BICDL1: variants seen among roughly 807,000 people sequenced by gnomAD.
The protein encoded by BICDL1 is BICD family-like cargo adapter 1.
BICDL1 carries 20 observed loss-of-function variants against 76.8 expected under a neutral mutation model. The ratio of observed to expected loss-of-function variants is 0.26; its 90% CI spans 0.18 to 0.38. The LOEUF (loss-of-function observed/expected upper bound fraction) is 0.38. Ranked by LOEUF, BICDL1 falls within the 10% of genes least tolerant of loss-of-function variation. BICDL1 has a pLI of 1.00. For missense variants in BICDL1, 700 were observed against 798.6 expected (o/e 0.88, Z 1.49); for synonymous variants, 383 against 337.1 (o/e 1.14, Z -1.49).
intron 2 of BICDL1, among the ~76,000 whole-genome samples, chr12:120,028,679 A>AAAT (rs906170067): frequency 7.2e-5 from 11 of 152,212 alleles, no homozygotes; most frequent in Middle Eastern, 3.4e-3. Context: ...TCAGACTCAA[A>AAAT]AATAATAATA....
At chr12:119,996,949 G>T (rs931818006) in intron 1 of BICDL1, among the ~76,000 whole-genome samples, 2 of 148,362 alleles carry the variant, frequency 1.3e-5, no homozygotes, top group South Asian at 2.1e-4. Flanking sequence ...GAAACAAAAA[G>T]ATTTTTTTTT....
intron 2 of BICDL1, among the ~76,000 whole-genome samples, chr12:120,011,960 A>G (rs1427373168): frequency 1.3e-5 from 2 of 152,240 alleles, no homozygotes; most frequent in East Asian, 3.8e-4. Context: ...AGATTGAACG[A>G]GATGATTCCT....
chr12:120,011,298 A>G (rs1202266607), intron 2 of BICDL1, among the ~76,000 whole-genome samples: 1 of 152,204 alleles, frequency 6.6e-6, no homozygotes, highest in African/African-American at 2.4e-5. Flanking sequence ...AACCTGGGAA[A>G]TGTAGACCAG....
chr12:120,010,223 G>A (rs1951926192), intron 2 of BICDL1, among the ~76,000 whole-genome samples: 1 of 152,194 alleles, frequency 6.6e-6, no homozygotes, highest in Admixed American at 6.5e-5. Context: ...AAAACTGGTT[G>A]CGCTTGTAAC....
intron 7 of BICDL1, 159 bp from the exon 8 acceptor site, chr12:120,080,728 C>G (rs1873902668): frequency 1.6e-6 from 1 of 627,162 alleles, no homozygotes. Flanking sequence ...TCAAGAGAGA[C>G]AGGCCCTCTC....
intron 2 of BICDL1, among the ~76,000 whole-genome samples, chr12:120,027,689 G>C (rs1403603519): frequency 6.6e-6 from 1 of 152,166 alleles, no homozygotes; most frequent in Non-Finnish European, 1.5e-5. Context: ...CACTCTGCAG[G>C]TGATGATGAA....
At chr12:120,066,429 T>C (rs1953222326) in intron 4 of BICDL1, among the ~76,000 whole-genome samples, 1 of 152,218 alleles carries the variant, frequency 6.6e-6, no homozygotes, top group Non-Finnish European at 1.5e-5. Flanking sequence ...TGAAAAGTCC[T>C]TATTTCAAAT....
intron 2 of BICDL1, chr12:120,000,195 C>T (rs1394515729): frequency 6.4e-6 from 1 of 156,930 alleles, no homozygotes; most frequent in Non-Finnish European, 1.4e-5. Flanking sequence ...AAAATAGTTG[C>T]AGGGAAATAC....
At chr12:120,011,277 A>G (rs1951947505) in intron 2 of BICDL1, among the ~76,000 whole-genome samples, 1 of 152,174 alleles carries the variant, frequency 6.6e-6, no homozygotes, top group Non-Finnish European at 1.5e-5. Context: ...GGCCATACTC[A>G]GTTACAAGAA....
At chr12:120,091,564 G>A (rs761492530) in intron 9 of BICDL1, 13 of 985,014 alleles carry the variant, frequency 1.3e-5, no homozygotes, top group Non-Finnish European at 1.6e-5. Flanking sequence ...GCTCTGAGGG[G>A]CAAGTGGAAA....
chr12:120,081,722 T>G (rs1433707998), intron 8 of BICDL1, among the ~76,000 whole-genome samples: 1 of 151,914 alleles, frequency 6.6e-6, no homozygotes, highest in Non-Finnish European at 1.5e-5. Flanking sequence ...TCTATTTTTT[T>G]ATTATGGACA....
chr12:120,083,645 T>G (rs1279604762), intron 8 of BICDL1, among the ~76,000 whole-genome samples: 2 of 125,836 alleles, frequency 1.6e-5, no homozygotes, highest in African/African-American at 6.6e-5. Flanking sequence ...ATTTATTTAT[T>G]TATTTATTTA....
At chr12:120,029,251 ATTC>A (rs1952371799) in intron 2 of BICDL1, among the ~76,000 whole-genome samples, 2 of 152,304 alleles carry the variant, frequency 1.3e-5, no homozygotes, top group South Asian at 4.1e-4. Context: ...CCAGGGCGGT[ATTC>A]TTCTCTGTGC....
intron 2 of BICDL1, among the ~76,000 whole-genome samples, chr12:120,025,318 G>A (rs550703954): frequency 2.0e-4 from 30 of 152,072 alleles, no homozygotes; most frequent in Admixed American, 3.9e-4. Context: ...CCAAAGTGCT[G>A]GGATTACAGG....
chr12:120,018,282 A>T (rs1322079465), intron 2 of BICDL1, among the ~76,000 whole-genome samples: 1 of 152,168 alleles, frequency 6.6e-6, no homozygotes, highest in Non-Finnish European at 1.5e-5. Flanking sequence ...TGAAACCAGG[A>T]TTGGAGACAG....
At chr12:120,070,742 T>G (rs570290530) in intron 4 of BICDL1, among the ~76,000 whole-genome samples, 1 of 151,994 alleles carries the variant, frequency 6.6e-6, no homozygotes, top group Non-Finnish European at 1.5e-5. Context: ...TCTTTTTTTT[T>G]TTTTTTGAGA....
Position 120,074,530 on chromosome 12 carries a change from GGA to G in BICDL1, c.1402_1403del (p.Arg468GlyfsTer2). 3.9e-6 allele frequency: 5 copies of G among 1,280,524 alleles called. No individual in the cohort carries two copies. Among genetic ancestry groups the G allele is most frequent in the South Asian group, 1.3e-5 (1 of 79,558 alleles). 79.3% of individuals were successfully genotyped at this position (1,280,524 alleles called of 1,614,324 possible). On this transcript the variant is annotated frameshift_variant, in exon 7 of 10. Transcript: ENST00000548673. LOFTEE classifies it high-confidence loss of function. ...GAGAGCCCTAAGGGAGCTCATGGAG[GGA>G]GAGAGGGGTAAACTGAGGCAAAGCC... The part of the protein sequence containing the change: ...DSRALRELME[G>X]ERGKLRQSLE...
intron 2 of BICDL1, among the ~76,000 whole-genome samples, chr12:120,023,749 C>T (rs562613152): frequency 6.6e-6 from 1 of 151,076 alleles, no homozygotes; most frequent in Non-Finnish European, 1.5e-5. Flanking sequence ...GAGATCGTAC[C>T]ACTGCACTCC....
At chr12:120,064,670 T>C in intron 3 of BICDL1, 63 bp from the exon 4 acceptor site, 1 of 1,524,208 alleles carries the variant, frequency 6.6e-7, no homozygotes, top group Non-Finnish European at 8.8e-7. Context: ...GGCTAGTCCC[T>C]AGTTCCTACT....
Sources: gnomAD v4.1 joint callset for allele counts (sites outside exome capture counted in the v4.1 genomes callset) on GRCh38, gnomAD v4.1.1 for gene constraint, MANE v1.5 for transcripts, NCBI Gene and HGNC (gene_info 2026-07-23, HGNC 2026-07-21) for gene names.